SRC: variants seen among roughly 807,000 people sequenced by gnomAD.
SRC encodes the protein proto-oncogene tyrosine-protein kinase Src.
In SRC, 13 loss-of-function variants were observed where a neutral mutation model predicts 62.9. The observed-to-expected ratio is 0.21, with a 90% confidence interval of 0.13 to 0.33. The LOEUF (loss-of-function observed/expected upper bound fraction) is 0.33. SRC is among the 10% of genes least tolerant of loss of function. SRC has a pLI of 1.00. For synonymous variants in SRC, 302 were observed against 317.5 expected, an observed-to-expected ratio of 0.95 and a Z score of 0.52; for missense variants, 457 against 737.3, an observed-to-expected ratio of 0.62 and a Z score of 4.40.
In SRC at chr20:37,402,131, C is replaced by G. The variant is rs2070746365; in HGVS notation, c.1117-304C>G. On this transcript the variant is annotated intron_variant, in intron 11 of 13. Transcript: ENST00000373578. The surrounding 1 kb of genome is among the most constrained non-coding windows in gnomAD (Gnocchi z 6.2). The stretch of plus-strand genomic sequence containing the variant: ...GCAGCAGGCAGGACCTGGCACTCAT[C>G]TGTGTCTGGGTCCGCTGGGGCCTCT... 2.1e-5 allele frequency: 8 copies of G among 382,736 alleles called. No individual in the cohort carries two copies. In the South Asian group the frequency reaches 2.7e-4, roughly 13 times the overall value. The allele number at this position is 382,736 out of a possible 1,614,324, so 23.7% of individuals were successfully genotyped here. A position where few individuals can be genotyped will look rare whatever the true frequency, so the allele number is the denominator to read the frequency against.
chr20:37,358,948 C>T (rs1010792740), intron 1 of SRC, among the ~76,000 whole-genome samples: 1 of 152,278 alleles, frequency 6.6e-6, no homozygotes, highest in South Asian at 2.1e-4. Context: ...CCCTGGCACG[C>T]GCACGGCCCC....
chr20:37,356,279 G>A (rs1219540280), intron 1 of SRC, among the ~76,000 whole-genome samples: 3 of 152,154 alleles, frequency 2.0e-5, no homozygotes. Context: ...GAGCCATGGA[G>A]TCTTGACTTG....
intron 2 of SRC, among the ~76,000 whole-genome samples, chr20:37,368,544 GTT>G (rs1463098892): frequency 0.2 from 15,118 of 74,248 alleles, 1,167 homozygotes; most frequent in African/African-American, 0.34. Context: ...TTTTTTTTTT[GTT>G]TTTTTTTTTT....
intron 2 of SRC, among the ~76,000 whole-genome samples, chr20:37,377,167 C>T (rs1419949922): frequency 6.6e-6 from 1 of 152,216 alleles, no homozygotes; most frequent in African/African-American, 2.4e-5. Context: ...CTGCCACTGC[C>T]TCCTCTTATT....
intron 1 of SRC, among the ~76,000 whole-genome samples, chr20:37,364,086 C>G (rs1197697233): frequency 6.6e-6 from 1 of 151,984 alleles, no homozygotes; most frequent in African/African-American, 2.4e-5. Flanking sequence ...CATTGGGGTA[C>G]TGTTATCAGG....
intron 1 of SRC, among the ~76,000 whole-genome samples, chr20:37,347,423 A>G (rs2069738506): frequency 1.3e-5 from 2 of 152,234 alleles, no homozygotes; most frequent in Non-Finnish European, 2.9e-5. Flanking sequence ...TATACGTGAA[A>G]TGAGAATCCT....
intron 5 of SRC, 175 bp from the exon 6 acceptor site, chr20:37,393,720 G>A (rs751728197): frequency 7.3e-5 from 42 of 577,862 alleles, no homozygotes; most frequent in Non-Finnish European, 1.2e-4. Context: ...GGGAGGGGAG[G>A]AGTTCCAGGC....
intron 4 of SRC, among the ~76,000 whole-genome samples, chr20:37,385,510 G>C (rs1289342676): frequency 6.6e-6 from 1 of 152,136 alleles, no homozygotes; most frequent in Non-Finnish European, 1.5e-5. Context: ...CAGGGAGGGA[G>C]GGCTGGGGGA....
intron 5 of SRC, among the ~76,000 whole-genome samples, chr20:37,387,820 G>A (rs879418626): frequency 6.6e-6 from 1 of 152,246 alleles, no homozygotes; most frequent in African/African-American, 2.4e-5. Flanking sequence ...TGTGCTCTCT[G>A]TGTGAGCTGG....
chr20:37,384,119 C>G lies in SRC; in HGVS notation c.-4-31C>G, dbSNP rs1176169991. ...GGCCAAGGGGCCCCGGCAGCCCTGC[C>G]TGTTCCAGTGTCTTCTCTCTCTCCT... On this transcript the variant is annotated intron_variant, in intron 3 of 13. Coordinates refer to ENST00000373578, the MANE Select transcript of SRC (RefSeq NM_198291.3). The surrounding 1 kb of genome is among the most constrained non-coding windows in gnomAD (Gnocchi z 6.7). The G allele has an allele frequency of 1.3e-6, 2 of 1,593,258 alleles. No individual in the cohort carries two copies. The highest frequency in any genetic ancestry group is 8.5e-7 in the Non-Finnish European group (1 of 1,174,090).
At chr20:37,359,595 G>C (rs2069934791) in intron 1 of SRC, among the ~76,000 whole-genome samples, 1 of 152,240 alleles carries the variant, frequency 6.6e-6, no homozygotes, top group South Asian at 2.1e-4. Flanking sequence ...AGGCAGGGGA[G>C]AGCCTGGAGT....
intron 2 of SRC, 155 bp from the exon 3 acceptor site, chr20:37,382,464 T>C (rs2147041014): frequency 6.6e-6 from 1 of 152,260 alleles, no homozygotes; most frequent in South Asian, 2.1e-4. Context: ...TTGGGAGGGT[T>C]GAAGGATATT....
In SRC at chr20:37,378,161, C is replaced by CTTT. The variant is rs770833912; in HGVS notation, c.-172-4441_-172-4439dup. Among the ~76,000 whole-genome samples, 462 of 122,946 alleles carry CTTT rather than the reference C, an allele frequency of 3.8e-3. 7 individuals carry two copies. Among genetic ancestry groups the CTTT allele is most frequent in the African/African-American group, 0.014 (439 of 31,926 alleles). The allele number at this position is 122,946 out of a possible 152,430, so 80.7% of individuals were successfully genotyped here. A position where few individuals can be genotyped will look rare whatever the true frequency, so the allele number is the denominator to read the frequency against. On this transcript the variant is annotated intron_variant, in intron 2 of 13. Transcript: ENST00000373578. Reference sequence around the variant, plus strand: ...GTGTGCAATTTCCTTTCTTTCTTCTCTTTTTTTTTTTTTTTTTTTGAGACA... The same window carrying CTTT: ...GTGTGCAATTTCCTTTCTTTCTTCTCTTTTTTTTTTTTTTTTTTTTTTGAGACA...
Position 37,396,158 on chromosome 20 carries a change from G to A in SRC, c.554-4G>A, listed in dbSNP as rs776712117. The A allele has an allele frequency of 9.3e-6, 15 of 1,611,370 alleles. No individual in the cohort carries two copies. The highest frequency in any genetic ancestry group is 6.7e-5 in the Admixed American group (4 of 60,004). ...CGGTCACGGCTCCCCTCGGTGCCCC[G>A]CAGGTGCCTACTGCCTCTCAGTGTC... On this transcript the variant is annotated splice_region_variant and splice_polypyrimidine_tract_variant and intron_variant, in intron 7 of 13. Transcript: ENST00000373578. This position sits in a 1 kb window ranked among gnomAD's most constrained non-coding sequence, Gnocchi z 6.1.
chr20:37,389,165 A>G (rs377225126), intron 5 of SRC, among the ~76,000 whole-genome samples: 1 of 151,982 alleles, frequency 6.6e-6, no homozygotes, highest in Admixed American at 6.6e-5. Context: ...TATTCTGGGT[A>G]TTGTGTGGCC....
rs375226953 is a variant in SRC, at chr20:37,403,872, G to A, written c.*493G>A. On this transcript the variant is annotated 3_prime_UTR_variant, in exon 14 of 14. Transcript: ENST00000373578. The surrounding 1 kb of genome is among the most constrained non-coding windows in gnomAD (Gnocchi z 7.1). ...CTTGCCATCCATTCTGGAAACACCT[G>A]TAGGCAGAGGCTGCCGAGACAGACC... The A allele has an allele frequency of 6.6e-4, 166 of 250,086 alleles. No homozygotes were observed. The highest frequency in any genetic ancestry group is 3.5e-3 in the African/African-American group (160 of 46,136). The allele number at this position is 250,086 out of a possible 1,614,324, so 15.5% of individuals were successfully genotyped here.
intron 2 of SRC, among the ~76,000 whole-genome samples, chr20:37,379,146 T>C (rs1234199381): frequency 6.6e-6 from 1 of 151,944 alleles, no homozygotes; most frequent in African/African-American, 2.4e-5. Flanking sequence ...GAGCGAGCCA[T>C]AGTGCAGGCC....
At chr20:37,364,247 G>T (rs894980251) in intron 1 of SRC, among the ~76,000 whole-genome samples, 2 of 151,860 alleles carry the variant, frequency 1.3e-5, no homozygotes, top group Admixed American at 1.3e-4. Context: ...TTGCCTCCTG[G>T]TGCTGTGTCT....
intron 4 of SRC, 29 bp from the exon 5 acceptor site, chr20:37,386,046 G>T: frequency 6.3e-7 from 1 of 1,588,568 alleles, no homozygotes; most frequent in African/African-American, 1.3e-5. Context: ...TGGCCCCACT[G>T]TTCTGACACA....
Sources: gnomAD v4.1 joint callset for allele counts (sites outside exome capture counted in the v4.1 genomes callset) on GRCh38, gnomAD v4.1.1 for gene constraint, Gnocchi (gnomAD v3.1) non-coding constraint, MANE v1.5 for transcripts, NCBI Gene and HGNC (gene_info 2026-07-23, HGNC 2026-07-21) for gene names.